The following SHLD1 variants were observed in gnomAD, a reference collection of about 807,000 sequenced individuals.
SHLD1 encodes RINN1-REV7-interacting novel NHEJ regulator 3.
SHLD1 carries 3 observed loss-of-function variants against 5.5 expected under a neutral mutation model. The observed-to-expected ratio is 0.54, with a 90% confidence interval of 0.25 to 1.40. The LOEUF (loss-of-function observed/expected upper bound fraction) is 1.40. Ranked by LOEUF, SHLD1 falls within the 40% of genes most tolerant of loss-of-function variation. SHLD1 has a pLI of 0.15. For synonymous variants in SHLD1, 92 were observed against 94.3 expected (o/e 0.98, Z 0.14); for missense variants, 210 against 244.4 (o/e 0.86, Z 0.94).
chr20:5,863,026 A>G lies in SHLD1; in HGVS notation c.181A>G (p.Thr61Ala), dbSNP rs114118253. 2,997 of 1,582,408 alleles carry G rather than the reference A, an allele frequency of 1.9e-3. 46 individuals carry two copies. In the African/African-American group the frequency reaches 0.035, roughly 19 times the overall value. The stretch of plus-strand genomic sequence containing the variant: ...TTGGAATACGTTTTGTCTTGCAGAC[A>G]CCAGTAACTTAAATATAGAACAAAA... ...FPYSSDVDPD[T>A]SNLNIEQNNS... Residue 61 changes from threonine to alanine, a missense_variant and splice_region_variant, in exon 3 of 3, where the codon ACC (threonine) becomes GCC (alanine). Physicochemically the swap from Thr to Ala is moderately conservative, Grantham distance 58. Transcript: ENST00000303142.
At chr20:5,758,680 A>T (rs539462899) in intron 1 of SHLD1, among the ~76,000 whole-genome samples, 2 of 152,044 alleles carry the variant, frequency 1.3e-5, no homozygotes, top group Non-Finnish European at 2.9e-5. Context: ...CAGCCTCCCA[A>T]AGTGCTGGGA....
At chr20:5,801,373 G>A (rs984975367) in intron 2 of SHLD1, among the ~76,000 whole-genome samples, 4 of 152,096 alleles carry the variant, frequency 2.6e-5, no homozygotes, top group Non-Finnish European at 5.9e-5. Flanking sequence ...ACCATGCCTG[G>A]CCCAGCCACC....
intron 2 of SHLD1, among the ~76,000 whole-genome samples, chr20:5,852,635 A>C (rs1406902403): frequency 1.3e-5 from 2 of 152,024 alleles, no homozygotes; most frequent in African/African-American, 4.8e-5. Flanking sequence ...TTTTTAGTAG[A>C]GACGGGGTTT....
chr20:5,781,723 T>A (rs1330719056), intron 2 of SHLD1, among the ~76,000 whole-genome samples: 1 of 152,096 alleles, frequency 6.6e-6, no homozygotes, highest in Admixed American at 6.6e-5. Flanking sequence ...AAGTCATCCG[T>A]CCACCTTGGC....
Position 5,782,565 on chromosome 20 carries a change from T to C in SHLD1, c.178+9522T>C, listed in dbSNP as rs145686761. On this transcript the variant is annotated intron_variant, in intron 2 of 2. Coordinates refer to ENST00000303142, the MANE Select transcript of SHLD1 (RefSeq NM_152504.4). ...AAATTGGTTGCATGTAGACAGCAAA[T>C]TGAATGTTAAACACAATAAGTCTTT... Among the ~76,000 whole-genome samples the C allele has an allele frequency of 4.6e-5, 7 of 152,320 alleles. No individual in the cohort carries two copies. In the East Asian group the frequency reaches 9.6e-4, roughly 21 times the overall value.
intron 2 of SHLD1, among the ~76,000 whole-genome samples, chr20:5,788,380 AC>A (rs554797563): frequency 9.9e-4 from 151 of 152,332 alleles, no homozygotes; most frequent in Admixed American, 2.2e-3. Flanking sequence ...TGAGGAAGTG[AC>A]CCTCAGACTA....
chr20:5,837,642 A>T (rs941409155), intron 2 of SHLD1, among the ~76,000 whole-genome samples: 1 of 152,172 alleles, frequency 6.6e-6, no homozygotes, highest in Non-Finnish European at 1.5e-5. Flanking sequence ...AAAGGACATG[A>T]TCTCGTTCCT....
At chr20:5,814,053 A>G (rs66560911) in intron 2 of SHLD1, among the ~76,000 whole-genome samples, 52,009 of 149,344 alleles carry the variant, frequency 0.35, 10,680 homozygotes, top group Non-Finnish European at 0.45. Flanking sequence ...CCCTGGTTCA[A>G]GCGATTCTCC....
chr20:5,813,026 C>T lies in SHLD1; in HGVS notation c.178+39983C>T, dbSNP rs572663439. On this transcript the variant is annotated intron_variant, in intron 2 of 2. Transcript: ENST00000303142. ...AGTACCTGGGACCACAGGTGTGTGC[C>T]ACCATGCCTGGCTATTTTTTTCTAT... Among the ~76,000 whole-genome samples the T allele has an allele frequency of 2.0e-5, 3 of 152,178 alleles. No homozygotes were observed. The East Asian group carries it at 5.9e-4, about 30-fold the overall frequency.
chr20:5,756,522 G>T (rs1984112009), intron 1 of SHLD1, among the ~76,000 whole-genome samples: 1 of 151,934 alleles, frequency 6.6e-6, no homozygotes, highest in Admixed American at 6.6e-5. Context: ...CTATGCCATT[G>T]TAAATGGAAT....
intron 2 of SHLD1, among the ~76,000 whole-genome samples, chr20:5,784,606 A>G (rs963858826): frequency 3.3e-5 from 5 of 151,524 alleles, no homozygotes; most frequent in South Asian, 2.1e-4. Context: ...GCCCGCCACC[A>G]CGCCCGGCTA....
intron 2 of SHLD1, among the ~76,000 whole-genome samples, chr20:5,799,485 T>C (rs1302167166): frequency 1.3e-5 from 2 of 148,746 alleles, no homozygotes; most frequent in Admixed American, 1.3e-4. Flanking sequence ...TTTTTTTTTT[T>C]TTTTTTTTGG....
intron 2 of SHLD1, among the ~76,000 whole-genome samples, chr20:5,805,452 CT>C (rs1413091503): frequency 1.3e-5 from 2 of 151,870 alleles, no homozygotes; most frequent in Admixed American, 1.3e-4. Context: ...ACCCCTAATC[CT>C]TTTTGTTTGT....
intron 2 of SHLD1, among the ~76,000 whole-genome samples, chr20:5,816,230 T>G (rs1176573221): frequency 3.3e-5 from 5 of 152,218 alleles, no homozygotes; most frequent in African/African-American, 9.6e-5. Flanking sequence ...AAAATTATTT[T>G]GTGATTTTAT....
At chr20:5,764,195 A>ATATATATATATTT (rs1984686691) in intron 1 of SHLD1, among the ~76,000 whole-genome samples, 22 of 50,714 alleles carry the variant, frequency 4.3e-4, no homozygotes, top group African/African-American at 1.7e-3. Context: ...TATATATTTT[A>ATATATATATATTT]TATATATATA....
At chr20:5,765,589 T>A (rs1228795751) in intron 1 of SHLD1, among the ~76,000 whole-genome samples, 1 of 151,866 alleles carries the variant, frequency 6.6e-6, no homozygotes, top group Non-Finnish European at 1.5e-5. Context: ...TAAGCACTTC[T>A]AGAGAAGGAA....
intron 2 of SHLD1, among the ~76,000 whole-genome samples, chr20:5,859,118 T>A (rs988359535): frequency 6.6e-6 from 1 of 152,104 alleles, no homozygotes; most frequent in African/African-American, 2.4e-5. Context: ...AGGGAAAATG[T>A]GTAACTCGAA....
At chr20:5,795,872 C>A (rs1433817131) in intron 2 of SHLD1, among the ~76,000 whole-genome samples, 1 of 151,394 alleles carries the variant, frequency 6.6e-6, no homozygotes. Flanking sequence ...GTAGTCCCAG[C>A]TACTCGGGAG....
rs1026460279 is a variant in SHLD1 at position 5,767,134 on chromosome 20, T to TTTC, written c.-4-5725_-4-5723dup. On this transcript the variant is annotated intron_variant, in intron 1 of 2. Transcript: ENST00000303142. ...TTTCTCCATTCACATTTTCTTTTCT[T>TTTC]TTCTTTTCTTTTCTTTTTGAGACAG... 2.1e-5 allele frequency among the ~76,000 whole-genome samples: 3 copies of TTTC among 145,804 alleles called. No individual in the cohort carries two copies. The South Asian group carries it at 6.3e-4, about 30-fold the overall frequency.
Sources: allele counts gnomAD v4.1 joint callset (sites outside exome capture counted in the v4.1 genomes callset), GRCh38; gene constraint gnomAD v4.1.1; transcripts MANE v1.5; gene names NCBI Gene and HGNC (gene_info 2026-07-23, HGNC 2026-07-21).